Variants in ITPR2 observed in about 807,000 individuals in gnomAD.
ITPR2 encodes the protein inositol 1,4,5-trisphosphate-gated calcium channel ITPR2.
In ITPR2, 207 loss-of-function variants were observed where a neutral mutation model predicts 317.1. The observed-to-expected ratio is 0.65, with a 90% CI of 0.58 to 0.73. ITPR2 has a LOEUF of 0.73. ITPR2 is among the 30% of genes least tolerant of loss of function. ITPR2 has a pLI of 0.00. For missense variants in ITPR2, 2,613 were observed against 3,284.0 expected (o/e 0.80, Z 4.99); for synonymous variants, 1,156 against 1,149.1 (o/e 1.01, Z -0.12).
At chr12:26,561,397 G>A (rs2137028514) in intron 35 of ITPR2, among the ~76,000 whole-genome samples, 1 of 152,324 alleles carries the variant, frequency 6.6e-6, no homozygotes, top group Non-Finnish European at 1.5e-5. Context: ...TGGGAGCAAG[G>A]TGCTTGGATC....
chr12:26,414,520 G>C (rs765700008), intron 51 of ITPR2, among the ~76,000 whole-genome samples: 1 of 151,998 alleles, frequency 6.6e-6, no homozygotes, highest in Non-Finnish European at 1.5e-5. Context: ...GCAAAGTGCA[G>C]AACTATGATT....
At chr12:26,372,680 C>T (rs545481227) in intron 55 of ITPR2, among the ~76,000 whole-genome samples, 1 of 152,326 alleles carries the variant, frequency 6.6e-6, no homozygotes, top group African/African-American at 2.4e-5. Context: ...AACTGTGATA[C>T]TCTCAAGTAA....
At chr12:26,591,183 A>G (rs576799435) in intron 32 of ITPR2, among the ~76,000 whole-genome samples, 3 of 152,128 alleles carry the variant, frequency 2.0e-5, no homozygotes, top group African/African-American at 4.8e-5. Context: ...CAAACTGTCC[A>G]TCTGGCAAGG....
chr12:26,661,690 G>C (rs907551894), intron 15 of ITPR2, among the ~76,000 whole-genome samples: 1 of 152,086 alleles, frequency 6.6e-6, no homozygotes, highest in African/African-American at 2.4e-5. Context: ...GCTCGTACGG[G>C]TGAAGTGGTG....
At chr12:26,657,515 G>A (rs1347526406) in intron 18 of ITPR2, among the ~76,000 whole-genome samples, 192 bp downstream of exon 18, 1 of 152,214 alleles carries the variant, frequency 6.6e-6, no homozygotes, top group Non-Finnish European at 1.5e-5. Flanking sequence ...TACAAGTGGT[G>A]TATGCAGAAA....
intron 33 of ITPR2, among the ~76,000 whole-genome samples, chr12:26,579,688 T>C (rs532416432): frequency 2.0e-5 from 3 of 152,170 alleles, no homozygotes; most frequent in Non-Finnish European, 4.4e-5. Flanking sequence ...AAATCTTTGT[T>C]AATTCTTTTA....
chr12:26,407,762 T>C (rs1940400480), intron 52 of ITPR2, among the ~76,000 whole-genome samples: 2 of 152,234 alleles, frequency 1.3e-5, no homozygotes, highest in Admixed American at 6.5e-5. Context: ...TCTTGGCAAC[T>C]TATTTAATGC....
chr12:26,574,967 C>A (rs1945243175), intron 34 of ITPR2, among the ~76,000 whole-genome samples: 1 of 151,788 alleles, frequency 6.6e-6, no homozygotes. Context: ...ACGTCGGAAT[C>A]CCATTTCCAC....
intron 34 of ITPR2, among the ~76,000 whole-genome samples, chr12:26,571,505 C>G (rs1426620053): frequency 6.6e-6 from 1 of 152,226 alleles, no homozygotes; most frequent in Non-Finnish European, 1.5e-5. Context: ...ATATATTTGT[C>G]TCATGTATAG....
rs1565624269 is a variant in ITPR2, at chr12:26,589,820, ATAAATAAAT to A, written c.4380+5636_4380+5644del. 7.2e-4 allele frequency among the ~76,000 whole-genome samples: 28 copies of A among 38,734 alleles called. 2 individuals carry two copies. Among genetic ancestry groups the A allele is most frequent in the Admixed American group, 2.2e-3 (8 of 3,612 alleles). 25.4% of individuals were successfully genotyped at this position (38,734 alleles called of 152,430 possible). A position where few individuals can be genotyped will look rare whatever the true frequency, so the allele number is the denominator to read the frequency against. The stretch of plus-strand genomic sequence containing the variant: ...AAATAAATAAATAAAAAATAAATAA[ATAAATAAAT>A]AAACATATATATATATATATATATA... On this transcript the variant is annotated intron_variant, in intron 32 of 56. Transcript: ENST00000381340.
chr12:26,606,024 GGCT>G (rs1287898767), intron 26 of ITPR2, among the ~76,000 whole-genome samples: 1 of 152,116 alleles, frequency 6.6e-6, no homozygotes, highest in Non-Finnish European at 1.5e-5. Flanking sequence ...AGCTGAAATT[GGCT>G]GTATTCTTCA....
chr12:26,366,611 C>G (rs917361801), intron 55 of ITPR2, among the ~76,000 whole-genome samples: 1 of 152,118 alleles, frequency 6.6e-6, no homozygotes, highest in Non-Finnish European at 1.5e-5. Flanking sequence ...CTCCTCTTCC[C>G]GTTGTAAACC....
At chr12:26,422,345 ATTTATTAG>A (rs1211274665) in intron 49 of ITPR2, among the ~76,000 whole-genome samples, 1 of 57,312 alleles carries the variant, frequency 1.7e-5, no homozygotes, top group African/African-American at 4.0e-5. Flanking sequence ...TAATTAGATA[ATTTATTAG>A]TTAAATAAGT....
At chr12:26,376,143 C>A (rs2136607876) in intron 55 of ITPR2, among the ~76,000 whole-genome samples, 1 of 152,298 alleles carries the variant, frequency 6.6e-6, no homozygotes, top group Middle Eastern at 3.4e-3. Flanking sequence ...GTAGATTGTC[C>A]ATTTTAGATT....
Position 26,597,045 on chromosome 12 carries a change from GTC to G in ITPR2, c.4090_4091del (p.Asp1364ProfsTer4). The G allele has an allele frequency of 6.2e-7, 1 of 1,614,056 alleles. No individual in the cohort carries two copies. Among genetic ancestry groups the G allele is most frequent in the Non-Finnish European group, 8.5e-7 (1 of 1,180,010 alleles). The stretch of plus-strand genomic sequence containing the variant: ...CTAAGGGGCCACTCTCATCCCCTCG[GTC>G]TCTCTCTGAACACATCATATGGAGA... ...ILLHMMCSER[D>X]RGDESGPLAY... On this transcript the variant is annotated frameshift_variant, in exon 31 of 57. Coordinates refer to ENST00000381340, the MANE Select transcript of ITPR2 (RefSeq NM_002223.4). LOFTEE classifies it high-confidence loss of function.
intron 26 of ITPR2, 68 bp from the exon 27 acceptor site, chr12:26,602,774 T>C (rs1946031379): frequency 4.6e-6 from 3 of 648,974 alleles, no homozygotes; most frequent in Non-Finnish European, 7.4e-6. Context: ...TTCTTTTGTA[T>C]TAAATAATAA....
At chr12:26,611,081 T>C (rs1475191941) in intron 26 of ITPR2, among the ~76,000 whole-genome samples, 1 of 152,200 alleles carries the variant, frequency 6.6e-6, no homozygotes, top group African/African-American at 2.4e-5. Flanking sequence ...ACACAAACTG[T>C]TCCGGCACCA....
chr12:26,666,147 T>TAGAC lies in ITPR2; in HGVS notation c.1410-97_1410-96insGTCT. The TAGAC allele has an allele frequency of 7.4e-6, 3 of 403,226 alleles. No homozygotes were observed. In the Admixed American group the frequency reaches 2.2e-4, roughly 30 times the overall value. 25.0% of individuals were successfully genotyped at this position (403,226 alleles called of 1,614,324 possible). On this transcript the variant is annotated intron_variant, in intron 13 of 56. Transcript: ENST00000381340. ...AGGTAGGTAGGTAGAGATAGATAGATAGATAGATAGATAGATTTTTTTTTA... is the reference window on the plus strand; with the variant it reads ...AGGTAGGTAGGTAGAGATAGATAGATAGACAGATAGATAGATAGATTTTTTTTTA...
intron 32 of ITPR2, among the ~76,000 whole-genome samples, chr12:26,588,293 A>G (rs1334693679): frequency 6.6e-6 from 1 of 152,188 alleles, no homozygotes; most frequent in East Asian, 1.9e-4. Context: ...AATATTTAGA[A>G]GTTGGGAAGG....
Sources: allele counts gnomAD v4.1 joint callset (sites outside exome capture counted in the v4.1 genomes callset), GRCh38; gene constraint gnomAD v4.1.1; transcripts MANE v1.5; gene names NCBI Gene and HGNC (gene_info 2026-07-23, HGNC 2026-07-21).